The following ACVRL1 variants were observed in gnomAD, a reference collection of about 807,000 sequenced individuals.
ACVRL1 encodes the protein activin A receptor like type 1, also known as activin receptor type-1-like.
A neutral mutation model predicts 51.9 loss-of-function variants in ACVRL1; 20 were observed. The observed-to-expected ratio is 0.39, with a 90% CI of 0.27 to 0.56. The LOEUF (loss-of-function observed/expected upper bound fraction) is 0.56, where lower values mean the gene tolerates loss of function less well. Among genes scored for constraint, ACVRL1 ranks in the 20% least tolerant of loss-of-function variants. The pLI, the probability that ACVRL1 is intolerant of heterozygous loss-of-function variation, is 0.67. For synonymous variants in ACVRL1, 288 were observed against 280.9 expected (o/e 1.03, Z -0.25); for missense variants, 451 against 670.3 (o/e 0.67, Z 3.61).
At position 51,912,493 on chromosome 12, in the gene ACVRL1, A is replaced by G; in HGVS notation, c.19A>G (p.Arg7Gly). 1.9e-6 allele frequency: 3 copies of G among 1,614,168 alleles called. No individual in the cohort carries two copies. The highest frequency in any genetic ancestry group is 2.5e-6 in the Non-Finnish European group (3 of 1,180,014). Reference protein sequence around the residue: MTLGSPRKGLLMLLMAL... With the variant: MTLGSPGKGLLMLLMAL... ...AGGGACCATGACCTTGGGCTCCCCCAGGAAAGGCCTTCTGATGCTGCTGAT... is the reference window on the plus strand; with the variant it reads ...AGGGACCATGACCTTGGGCTCCCCCGGGAAAGGCCTTCTGATGCTGCTGAT... Residue 7 changes from arginine to glycine, a missense_variant, in exon 2 of 10, where the codon AGG becomes GGG. By Grantham distance (125) the Arg-to-Gly change is moderately radical (BLOSUM62 -2). Coordinates refer to ENST00000388922, the MANE Select transcript of ACVRL1 (RefSeq NM_000020.3).
In ACVRL1 at chr12:51,920,845, A is replaced by C. The variant is rs1286842082; in HGVS notation, c.1464A>C (p.Thr488=). 1.2e-6 allele frequency: 2 copies of C among 1,613,818 alleles called. No homozygotes were observed. The highest frequency in any genetic ancestry group is 4.5e-5 in the East Asian group (2 of 44,848). The stretch of plus-strand genomic sequence containing the variant: ...TCACCGCGCTGCGGATCAAGAAGAC[A>C]CTACAAAAAATTAGCAACAGTCCAG... The part of the protein sequence containing the change: ...ARLTALRIKK[T]LQKISNSPEK... Residue 488 remains threonine (T), a synonymous_variant, in exon 10 of 10, where the codon ACA becomes ACC. Transcript: ENST00000388922.
chr12:51,919,146 G>T (rs772774519), intron 9 of ACVRL1, 31 bp downstream of exon 9: 10 of 1,613,344 alleles, frequency 6.2e-6, no homozygotes, highest in Middle Eastern at 1.6e-4. Context: ...AGGATGGCGT[G>T]GGGTGGTGGC....
chr12:51,921,340 C>G lies in ACVRL1; in HGVS notation c.*447C>G, dbSNP rs1010199746. The G allele has an allele frequency of 7.8e-6, 2 of 256,696 alleles. No homozygotes were observed. Among genetic ancestry groups the G allele is most frequent in the African/African-American group, 4.4e-5 (2 of 45,456 alleles). The allele number at this position is 256,696 out of a possible 1,614,324, so 15.9% of individuals were successfully genotyped here. On this transcript the variant is annotated 3_prime_UTR_variant, in exon 10 of 10. Coordinates refer to ENST00000388922, the MANE Select transcript of ACVRL1 (RefSeq NM_000020.3). ...CCAGCCCCTGGCACACACTTCCCTG[C>G]CAGGCCTCAGCCTCTAGCATAAGCT...
intron 1 of ACVRL1, among the ~76,000 whole-genome samples, chr12:51,910,494 G>A (rs776129319): frequency 2.6e-5 from 4 of 152,238 alleles, no homozygotes; most frequent in Non-Finnish European, 4.4e-5. Flanking sequence ...AGCACTTCAG[G>A]TGATTCTGAT....
At position 51,916,036 on chromosome 12, in the gene ACVRL1, G is replaced by A. The variant is rs764834560; in HGVS notation, c.1049G>A (p.Gly350Asp). The part of the protein sequence containing the change: ...SNLQCCIADL[G>D]LAVMHSQGSD... ...GGAGTGACAGGCCTCACCCCCACAG[G>A]CCTGGCTGTGATGCACTCACAGGGC... is the stretch of plus-strand genomic sequence containing the variant. Residue 350 changes from glycine to aspartate, a missense_variant and splice_region_variant, in exon 8 of 10, where the codon GGC becomes GAC. Around this residue, in one of 2 missense-constraint regions of ACVRL1, gnomAD observed 259 missense variants for 453.4 expected, o/e 0.57. Transcript: ENST00000388922. 3 of 1,612,066 alleles carry A rather than the reference G, an allele frequency of 1.9e-6. No homozygotes were observed. In the South Asian group the frequency reaches 3.3e-5, roughly 18 times the overall value.
At chr12:51,915,611 T>G in intron 7 of ACVRL1, 111 bp downstream of exon 7, 1 of 1,395,490 alleles carries the variant, frequency 7.2e-7, no homozygotes, top group Non-Finnish European at 9.5e-7. Flanking sequence ...AATTTAGAGG[T>G]GCATGTTGTT....
chr12:51,921,177 G>A lies in ACVRL1; in HGVS notation c.*284G>A. 1 of 447,160 alleles carries A rather than the reference G, an allele frequency of 2.2e-6. No individual in the cohort carries two copies. The highest frequency in any genetic ancestry group is 2.1e-5 in the South Asian group (1 of 48,642). The allele number at this position is 447,160 out of a possible 1,614,324, so 27.7% of individuals were successfully genotyped here. On this transcript the variant is annotated 3_prime_UTR_variant, in exon 10 of 10. Transcript: ENST00000388922. ...CCCCCTACCACTCCCGGGACAGGATGCAAAAGAGGCTCCAGAGTCAGAGTG... is the reference window on the plus strand; with the variant it reads ...CCCCCTACCACTCCCGGGACAGGATACAAAAGAGGCTCCAGAGTCAGAGTG...
chr12:51,912,173 C>A (rs1221764367), intron 1 of ACVRL1, among the ~76,000 whole-genome samples: 1 of 152,192 alleles, frequency 6.6e-6, no homozygotes, highest in Non-Finnish European at 1.5e-5. Context: ...GCTCTCCCAA[C>A]CTGCCTGCAG....
chr12:51,915,716 GA>G, intron 7 of ACVRL1: 1 of 753,454 alleles, frequency 1.3e-6, no homozygotes, highest in Admixed American at 3.0e-5. Flanking sequence ...GGAGTTGGGA[GA>G]AAGGAGGCAG....
At chr12:51,915,098 A>C (rs1354141899) in intron 6 of ACVRL1, 127 bp from the exon 7 acceptor site, 6 of 1,049,540 alleles carry the variant, frequency 5.7e-6, no homozygotes, top group Admixed American at 2.0e-5. Flanking sequence ...ATCAACCCCC[A>C]CCCCCAGACC....
intron 1 of ACVRL1, among the ~76,000 whole-genome samples, chr12:51,911,102 C>A (rs539144896): frequency 6.6e-6 from 1 of 152,368 alleles, no homozygotes; most frequent in African/African-American, 2.4e-5. Context: ...CTGCCTTGTG[C>A]CCTGCCTGAG....
Position 51,916,061 on chromosome 12 carries a change from C to T in ACVRL1, c.1074C>T (p.Gly358=), listed in dbSNP as rs1218467490. The T allele has an allele frequency of 3.1e-6, 5 of 1,612,984 alleles. No individual in the cohort carries two copies. The highest frequency in any genetic ancestry group is 2.2e-5 in the East Asian group (1 of 44,838). ...GCCTGGCTGTGATGCACTCACAGGG[C>T]AGCGATTACCTGGACATCGGCAACA... ...DLGLAVMHSQ[G]SDYLDIGNNP... is the part of the protein sequence containing the mutation. The change falls in exon 8 of 10, where the codon GGC becomes GGT. Residue 358 remains glycine, a synonymous_variant. Coordinates refer to ENST00000388922, the MANE Select transcript of ACVRL1 (RefSeq NM_000020.3).
chr12:51,915,915 C>G, intron 7 of ACVRL1, 121 bp from the exon 8 acceptor site: 1 of 1,100,828 alleles, frequency 9.1e-7, no homozygotes, highest in Admixed American at 2.3e-5. Context: ...AGCCCATCTC[C>G]GTGCACGTCT....
intron 6 of ACVRL1, 44 bp downstream of exon 6, chr12:51,914,629 C>G: frequency 1.3e-6 from 2 of 1,582,822 alleles, no homozygotes; most frequent in Non-Finnish European, 1.7e-6. Flanking sequence ...GCTTTGCCCC[C>G]CTGCACTCAG....
In ACVRL1 at chr12:51,920,831, C is replaced by T. The variant is rs121909288; in HGVS notation, c.1450C>T (p.Arg484Trp). 1.9e-6 allele frequency: 3 copies of T among 1,612,972 alleles called. No individual in the cohort carries two copies. Among genetic ancestry groups the T allele is most frequent in the Non-Finnish European group, 1.7e-6 (2 of 1,179,598 alleles). Residue 484 changes from arginine (R) to tryptophan (W), a missense_variant, in exon 10 of 10, where the codon CGG becomes TGG. By Grantham distance (101) the Arg-to-Trp change is moderately radical (BLOSUM62 -3). This residue lies in a region of ACVRL1 where 259 missense variants were observed against 453.4 expected (regional missense o/e 0.57). Coordinates refer to ENST00000388922, the MANE Select transcript of ACVRL1 (RefSeq NM_000020.3). ...CCCCTCTGCCCGACTCACCGCGCTG[C>T]GGATCAAGAAGACACTACAAAAAAT... is the stretch of plus-strand genomic sequence containing the variant. ...PNPSARLTAL[R>W]IKKTLQKISN...
intron 4 of ACVRL1, 77 bp from the exon 5 acceptor site, chr12:51,913,897 C>T: frequency 6.4e-7 from 1 of 1,568,402 alleles, no homozygotes; most frequent in Non-Finnish European, 8.7e-7. Context: ...AGTGACCCAG[C>T]AGGTCCCAGG....
In ACVRL1 at chr12:51,920,937, GGTGGGGGGCA is replaced by G; in HGVS notation, c.*49_*58del. ...CTTTCTGCCTGCAGGGGGCTGGGGG[GGTGGGGGGCA>G]GTGGATGGTGCCCTATCTGGGTAGA... On this transcript the variant is annotated 3_prime_UTR_variant, in exon 10 of 10. Transcript: ENST00000388922. 1 of 1,150,626 alleles carries G rather than the reference GGTGGGGGGCA, an allele frequency of 8.7e-7. No individual in the cohort carries two copies. The highest frequency in any genetic ancestry group is 1.3e-6 in the Non-Finnish European group (1 of 790,040). The allele number at this position is 1,150,626 out of a possible 1,614,324, so 71.3% of individuals were successfully genotyped here.
Position 51,920,780 on chromosome 12 carries a change from A to G in ACVRL1, c.1399A>G (p.Met467Val), listed in dbSNP as rs773596266. The change falls in exon 10 of 10, where the codon ATG becomes GTG. Residue 467 changes from methionine (M) to valine (V), a missense_variant. This residue lies in a region of ACVRL1 where 259 missense variants were observed against 453.4 expected (regional missense o/e 0.57). Coordinates refer to ENST00000388922, the MANE Select transcript of ACVRL1 (RefSeq NM_000020.3). ...CCAGGTCCTCTCAGGCCTAGCTCAG[A>G]TGATGCGGGAGTGCTGGTACCCAAA... ...ADPVLSGLAQ[M>V]MRECWYPNPS... The G allele has an allele frequency of 1.9e-6, 3 of 1,613,852 alleles. No individual in the cohort carries two copies. In the South Asian group the frequency reaches 3.3e-5, roughly 18 times the overall value.
In ACVRL1 at chr12:51,914,716, T is replaced by TTTTAATTTAATTTAA. The variant is rs55800652; in HGVS notation, c.772+165_772+179dup. Reference sequence around the variant, plus strand: ...GCCCACCTGCAGCATCAACCTCTTTTTTTAATTTAATTTAATTTAATTTAA... The same window carrying TTTTAATTTAATTTAA: ...GCCCACCTGCAGCATCAACCTCTTTTTTTAATTTAATTTAATTTAATTTAATTTAATTTAATTTAA... On this transcript the variant is annotated intron_variant, in intron 6 of 9. Coordinates refer to ENST00000388922, the MANE Select transcript of ACVRL1 (RefSeq NM_000020.3). 363 of 316,208 alleles carry TTTTAATTTAATTTAA rather than the reference T, an allele frequency of 1.1e-3. 3 individuals carry two copies. The highest frequency in any genetic ancestry group is 3.9e-3 in the African/African-American group (163 of 41,532). The allele number at this position is 316,208 out of a possible 1,614,324, so 19.6% of individuals were successfully genotyped here. A position where few individuals can be genotyped will look rare whatever the true frequency, so the allele number is the denominator to read the frequency against.
Sources: gnomAD v4.1 joint callset for allele counts (sites outside exome capture counted in the v4.1 genomes callset) on GRCh38, gnomAD v4.1.1 for gene constraint, gnomAD v4.1.1 regional missense constraint, MANE v1.5 for transcripts, NCBI Gene and HGNC (gene_info 2026-07-23, HGNC 2026-07-21) for gene names.